The following MYO3A variants were observed in gnomAD, a reference collection of about 807,000 sequenced individuals.
MYO3A encodes myosin-IIIa.
In MYO3A, 180 loss-of-function variants were observed where a neutral mutation model predicts 192.7. That is an observed-to-expected ratio of 0.93 (90% CI 0.83 to 1.06). MYO3A has a LOEUF of 1.06. Among genes scored for constraint, MYO3A ranks in the 50% least tolerant of loss-of-function variants. MYO3A has a pLI of 0.00. For synonymous variants in MYO3A, 628 were observed against 645.3 expected, an observed-to-expected ratio of 0.97 and a Z score of 0.41; for missense variants, 1,896 against 1,905.0, an observed-to-expected ratio of 1.00 and a Z score of 0.09.
intron 31 of MYO3A, among the ~76,000 whole-genome samples, chr10:26,182,124 A>G (rs1842642142): frequency 6.6e-6 from 1 of 152,266 alleles, no homozygotes; most frequent in South Asian, 2.1e-4. Context: ...CTAGGGTTCT[A>G]GAAGAGTTGA....
intron 32 of MYO3A, among the ~76,000 whole-genome samples, chr10:26,197,712 T>C (rs58990448): frequency 0.16 from 24,964 of 152,122 alleles, 2,657 homozygotes; most frequent in African/African-American, 0.3. Flanking sequence ...TACAGGCACC[T>C]GCTGCCATGC....
intron 17 of MYO3A, among the ~76,000 whole-genome samples, chr10:26,116,082 T>C (rs1469822707): frequency 6.6e-6 from 1 of 152,186 alleles, no homozygotes; most frequent in Admixed American, 6.5e-5. Context: ...CATATCTTAT[T>C]CATAAATTTA....
chr10:26,124,311 A>G (rs1008095965), intron 18 of MYO3A, among the ~76,000 whole-genome samples: 1 of 152,146 alleles, frequency 6.6e-6, no homozygotes, highest in Non-Finnish European at 1.5e-5. Flanking sequence ...TAAAATATTT[A>G]TCCTGGCATT....
chr10:25,989,696 A>G (rs184607407), intron 4 of MYO3A, among the ~76,000 whole-genome samples: 80 of 152,320 alleles, frequency 5.3e-4, no homozygotes, highest in African/African-American at 1.8e-3. Flanking sequence ...AAAATGTACT[A>G]TAAGTGTTCA....
At chr10:26,177,818 C>T (rs1361078102) in intron 31 of MYO3A, among the ~76,000 whole-genome samples, 1 of 152,210 alleles carries the variant, frequency 6.6e-6, no homozygotes, top group Non-Finnish European at 1.5e-5. Flanking sequence ...TAATTTCTTC[C>T]CTGAAAAAAT....
At position 26,203,112 on chromosome 10, in the gene MYO3A, A is replaced by AC. The variant is rs778823953; in HGVS notation, c.4730+5_4730+6insC. ...ATGTATTAAGGCTAATGAAAGGTAAAAAGCTAAACTTTAAAGTACATCATT... is the reference window on the plus strand; with the variant it reads ...ATGTATTAAGGCTAATGAAAGGTAAACAAGCTAAACTTTAAAGTACATCATT... On this transcript the variant is annotated splice_donor_region_variant and intron_variant, in intron 34 of 34. Transcript: ENST00000642920. 1.2e-6 allele frequency: 2 copies of AC among 1,613,394 alleles called. No individual in the cohort carries two copies. The highest frequency in any genetic ancestry group is 2.2e-5 in the South Asian group (2 of 91,060).
chr10:26,151,319 A>G (rs1421989340), intron 23 of MYO3A, among the ~76,000 whole-genome samples: 1 of 150,550 alleles, frequency 6.6e-6, no homozygotes, highest in Admixed American at 6.6e-5. Context: ...TTTTTTTTTC[A>G]GTTTTTGCTC....
intron 6 of MYO3A, among the ~76,000 whole-genome samples, chr10:26,001,807 C>A (rs1371289509): frequency 6.6e-6 from 1 of 152,158 alleles, no homozygotes; most frequent in South Asian, 2.1e-4. Context: ...TATAGCAAGA[C>A]CCTGTCTCTA....
chr10:26,170,983 C>T (rs1029628392), intron 29 of MYO3A, among the ~76,000 whole-genome samples: 1 of 152,226 alleles, frequency 6.6e-6, no homozygotes, highest in Admixed American at 6.5e-5. Flanking sequence ...CACTTATTCA[C>T]TTATTCAGCA....
intron 20 of MYO3A, among the ~76,000 whole-genome samples, chr10:26,130,708 T>C (rs993149644): frequency 1.3e-5 from 2 of 152,228 alleles, no homozygotes; most frequent in Non-Finnish European, 1.5e-5. Flanking sequence ...ACATTGGCAG[T>C]TGAGTATGAT....
At chr10:25,972,945 A>G (rs1040859405) in intron 4 of MYO3A, among the ~76,000 whole-genome samples, 4 of 152,172 alleles carry the variant, frequency 2.6e-5, no homozygotes, top group Non-Finnish European at 4.4e-5. Context: ...GCTAGCTTTG[A>G]GGTTCATTTT....
intron 26 of MYO3A, among the ~76,000 whole-genome samples, chr10:26,160,730 T>C (rs547140255): frequency 6.6e-6 from 1 of 152,080 alleles, no homozygotes; most frequent in Non-Finnish European, 1.5e-5. Context: ...AAACAGGAGT[T>C]TTCTTGGTGT....
rs183639757 is a variant in MYO3A, at chr10:25,975,006, C to A, written c.303+19998C>A. On this transcript the variant is annotated intron_variant, in intron 4 of 34. Coordinates refer to ENST00000642920, the MANE Select transcript of MYO3A (RefSeq NM_017433.5). The stretch of plus-strand genomic sequence containing the variant: ...GCCATCTGTAGGCTGGGAAGTGTGG[C>A]CTCTGGTAGAAGCCAAAAGCAGGCA... Among the ~76,000 whole-genome samples, 119 of 152,170 alleles carry A rather than the reference C, an allele frequency of 7.8e-4. 2 individuals are homozygous for A. The highest frequency in any genetic ancestry group is 2.2e-4 in the Non-Finnish European group (15 of 68,006).
At position 26,026,371 on chromosome 10, in the gene MYO3A, G is replaced by A. The variant is rs770441498; in HGVS notation, c.798-6G>A. ...AATAATTGCATGTTCTTTTTTGCCAGTGCAGGTGCTTGACTAAAGATTATG... is the reference window on the plus strand; with the variant it reads ...AATAATTGCATGTTCTTTTTTGCCAATGCAGGTGCTTGACTAAAGATTATG... On this transcript the variant is annotated splice_region_variant and splice_polypyrimidine_tract_variant and intron_variant, in intron 9 of 34. Coordinates refer to ENST00000642920, the MANE Select transcript of MYO3A (RefSeq NM_017433.5). 15 of 1,613,768 alleles carry A rather than the reference G, an allele frequency of 9.3e-6. No homozygotes were observed. In the African/African-American group the frequency reaches 1.5e-4, roughly 16 times the overall value.
intron 2 of MYO3A, among the ~76,000 whole-genome samples, chr10:25,942,028 G>A (rs549132520): frequency 7.0e-6 from 1 of 143,118 alleles, no homozygotes; most frequent in South Asian, 2.2e-4. Context: ...TTTAGATGGA[G>A]TCTCTCTCTG....
At chr10:26,194,173 A>G (rs1248098633) in intron 32 of MYO3A, among the ~76,000 whole-genome samples, 1 of 152,164 alleles carries the variant, frequency 6.6e-6, no homozygotes, top group Admixed American at 6.5e-5. Flanking sequence ...GGAATATTTC[A>G]GGTCCCACGT....
At chr10:26,085,610 A>G (rs1409040778) in intron 14 of MYO3A, among the ~76,000 whole-genome samples, 1 of 152,118 alleles carries the variant, frequency 6.6e-6, no homozygotes, top group Non-Finnish European at 1.5e-5. Context: ...TCAGGGTGCA[A>G]GGTGCCACCT....
intron 17 of MYO3A, among the ~76,000 whole-genome samples, chr10:26,107,142 T>A (rs1341973772): frequency 2.0e-5 from 3 of 152,032 alleles, no homozygotes; most frequent in Non-Finnish European, 2.9e-5. Context: ...CCCAAGTAAT[T>A]CTTATCATTA....
At chr10:26,147,592 G>A in intron 23 of MYO3A, 33 bp downstream of exon 23, 2 of 1,613,548 alleles carry the variant, frequency 1.2e-6, no homozygotes, top group Admixed American at 1.7e-5. Context: ...GAAGTTTTCT[G>A]AAGCCCAATC....
Sources: allele counts gnomAD v4.1 joint callset (sites outside exome capture counted in the v4.1 genomes callset), GRCh38; gene constraint gnomAD v4.1.1; transcripts MANE v1.5; gene names NCBI Gene and HGNC (gene_info 2026-07-23, HGNC 2026-07-21).